Variants in MPRIP observed in about 807,000 individuals in gnomAD.
MPRIP encodes the protein myosin phosphatase Rho-interacting protein.
MPRIP carries 59 observed loss-of-function variants against 234.9 expected under a neutral mutation model. The observed-to-expected ratio is 0.25, with a 90% CI of 0.20 to 0.31. The LOEUF (loss-of-function observed/expected upper bound fraction) is 0.31. Ranked by LOEUF, MPRIP falls within the 10% of genes least tolerant of loss-of-function variation. MPRIP has a pLI of 1.00. For synonymous variants in MPRIP, 1,144 were observed against 1,263.9 expected (o/e 0.91, Z 2.01); for missense variants, 2,436 against 3,071.0 (o/e 0.79, Z 4.89).
intron 23 of MPRIP, chr17:17,182,812 T>A (rs1396739735): frequency 1.3e-5 from 2 of 152,038 alleles, no homozygotes; most frequent in African/African-American, 4.8e-5. Context: ...GCCTTAGGAG[T>A]GATCAAACTC....
At chr17:17,126,881 GCAC>G in intron 4 of MPRIP, 28 bp downstream of exon 4, 1 of 1,603,654 alleles carries the variant, frequency 6.2e-7, no homozygotes, top group Non-Finnish European at 8.5e-7. Flanking sequence ...GTGGAACAAG[GCAC>G]CACCACCTGC....
At chr17:17,133,791 A>G (rs149609398) in intron 5 of MPRIP, among the ~76,000 whole-genome samples, 60 of 152,304 alleles carry the variant, frequency 3.9e-4, no homozygotes, top group African/African-American at 1.4e-3. Flanking sequence ...GGAGAAGAGA[A>G]GGGCTTGGCC....
chr17:17,135,585 G>A (rs1159777821), intron 5 of MPRIP, among the ~76,000 whole-genome samples: 1 of 152,192 alleles, frequency 6.6e-6, no homozygotes. Context: ...TATTTTGGGT[G>A]TCTGGTGAGG....
In MPRIP at chr17:17,078,460, C is replaced by G. The variant is rs73979063; in HGVS notation, c.267+384C>G. 0.057 allele frequency among the ~76,000 whole-genome samples: 8,750 copies of G among 152,278 alleles called. 799 individuals carry two copies. The highest frequency in any genetic ancestry group is 0.19 in the African/African-American group (8,047 of 41,522). On this transcript the variant is annotated intron_variant, in intron 3 of 23. Coordinates refer to ENST00000651222, the MANE Select transcript of MPRIP (RefSeq NM_001364716.4). The surrounding 1 kb of genome is among the most constrained non-coding windows in gnomAD (Gnocchi z 4.3). ...GCTGGCCCTGGGGCTGGCACATGTG[C>G]TCACGCACCTAGTCCTGGGGTTGCC...
intron 3 of MPRIP, among the ~76,000 whole-genome samples, chr17:17,081,257 G>A (rs962555179): frequency 4.6e-5 from 7 of 152,198 alleles, no homozygotes; most frequent in African/African-American, 1.7e-4. Context: ...TTGTTGTTGG[G>A]CCCGTGATAA....
chr17:17,115,527 T>C (rs1366618451), intron 3 of MPRIP, among the ~76,000 whole-genome samples: 1 of 152,236 alleles, frequency 6.6e-6, no homozygotes, highest in Non-Finnish European at 1.5e-5. Context: ...TTCTCCCTGT[T>C]ATCTGTGCAG....
Position 17,171,817 on chromosome 17 carries a change from G to C in MPRIP, c.6424G>C (p.Glu2142Gln), listed in dbSNP as rs1383656639. ...CCAGCGGGAGCTAGAGAAACTTCGA[G>C]AAGAGAAAGACCGCCTCCTAGCCGA... ...QHQRELEKLREEKDRLLAEET... is the reference protein window; with the variant it reads ...QHQRELEKLRQEKDRLLAEET... The change falls in exon 17 of 24, where the codon GAA (glutamate) becomes CAA (glutamine). Residue 2142 changes from glutamate to glutamine, a missense_variant. By Grantham distance (29) the Glu-to-Gln change is conservative (BLOSUM62 2). Around this residue, in one of 4 missense-constraint regions of MPRIP, gnomAD observed 1,998 missense variants for 2,520.3 expected, o/e 0.79. Coordinates refer to ENST00000651222, the MANE Select transcript of MPRIP (RefSeq NM_001364716.4). 1 of 1,613,648 alleles carries C rather than the reference G, an allele frequency of 6.2e-7. No individual in the cohort carries two copies. The highest frequency in any genetic ancestry group is 1.7e-5 in the Admixed American group (1 of 60,016).
intron 1 of MPRIP, among the ~76,000 whole-genome samples, chr17:17,065,381 ATTTTT>A (rs59705934): frequency 8.9e-6 from 1 of 111,808 alleles, no homozygotes; most frequent in Non-Finnish European, 1.9e-5. Flanking sequence ...GCTTGAGATG[ATTTTT>A]TTTTTTTTTT....
chr17:17,061,181 C>G (rs1430668175), intron 1 of MPRIP, among the ~76,000 whole-genome samples: 1 of 152,194 alleles, frequency 6.6e-6, no homozygotes, highest in East Asian at 1.9e-4. Context: ...ACAGGACACA[C>G]AAGGTCTTGG....
chr17:17,136,851 G>T (rs2090711702), intron 6 of MPRIP, among the ~76,000 whole-genome samples: 1 of 152,148 alleles, frequency 6.6e-6, no homozygotes, highest in South Asian at 2.1e-4. Context: ...TCCGCATTCT[G>T]CCTGGGCCCC....
chr17:17,126,927 C>T, intron 4 of MPRIP, 74 bp downstream of exon 4: 1 of 1,548,270 alleles, frequency 6.5e-7, no homozygotes, highest in East Asian at 2.3e-5. Context: ...CCGCCTGCCC[C>T]TGTGGCAGTG....
chr17:17,123,800 T>TC (rs565001475), intron 3 of MPRIP, among the ~76,000 whole-genome samples: 133 of 152,284 alleles, frequency 8.7e-4, no homozygotes, highest in African/African-American at 3.1e-3. Context: ...AAGTTTTTTT[T>TC]CCCTCCTCCA....
At chr17:17,139,619 G>A (rs1417654572) in intron 7 of MPRIP, among the ~76,000 whole-genome samples, 1 of 152,206 alleles carries the variant, frequency 6.6e-6, no homozygotes, top group Non-Finnish European at 1.5e-5. Flanking sequence ...GCCTCGAAGG[G>A]CAGGTGGAGG....
intron 18 of MPRIP, 109 bp from the exon 19 acceptor site, chr17:17,173,805 CTG>C (rs769620559): frequency 4.8e-6 from 6 of 1,262,632 alleles, no homozygotes; most frequent in East Asian, 2.4e-5. Flanking sequence ...AGACAACAGA[CTG>C]TGTGGGCCTG....
intron 1 of MPRIP, among the ~76,000 whole-genome samples, chr17:17,055,091 G>A (rs919835845): frequency 7.3e-5 from 11 of 151,626 alleles, no homozygotes; most frequent in African/African-American, 2.7e-4. Flanking sequence ...AGGGTAGGAA[G>A]TGAAGGGGCC....
At position 17,075,793 on chromosome 17, in the gene MPRIP, G is replaced by A. The variant is rs1209165129; in HGVS notation, c.201+6G>A. ...ACCCAGTGCACCGGTCTCGGGTAAG[G>A]GCATCAGAGCCAACTCTCAGGGAGG... On this transcript the variant is annotated splice_donor_region_variant and intron_variant, in intron 2 of 23. Coordinates refer to ENST00000651222, the MANE Select transcript of MPRIP (RefSeq NM_001364716.4). 1 of 1,613,976 alleles carries A rather than the reference G, an allele frequency of 6.2e-7. No individual in the cohort carries two copies. The highest frequency in any genetic ancestry group is 8.5e-7 in the Non-Finnish European group (1 of 1,179,914).
intron 3 of MPRIP, among the ~76,000 whole-genome samples, chr17:17,121,795 G>T (rs2090394228): frequency 1.3e-5 from 2 of 152,082 alleles, no homozygotes; most frequent in South Asian, 4.1e-4. Context: ...TACTTTTCCT[G>T]ATCTTCTCCC....
intron 16 of MPRIP, chr17:17,168,536 C>A: frequency 3.1e-6 from 1 of 323,528 alleles, no homozygotes; most frequent in South Asian, 2.5e-5. Context: ...AGATTTTCCC[C>A]AGAACTGTCC....
In MPRIP at chr17:17,190,195, T is replaced by G. The variant is rs190099334; in HGVS notation, c.*5301T>G. On this transcript the variant is annotated 3_prime_UTR_variant, in exon 24 of 24. Transcript: ENST00000651222. ...CATGCCACCACCCACTTTAAAGATG[T>G]AAACTCAGTAGATTTTTCATCCAGT... The G allele has an allele frequency of 2.8e-4, 42 of 152,332 alleles. 1 individual carries two copies. The highest frequency in any genetic ancestry group is 2.6e-3 in the Admixed American group (40 of 15,296). The allele number at this position is 152,332 out of a possible 1,614,324, so 9.4% of individuals were successfully genotyped here.
Sources: gnomAD v4.1 joint callset for allele counts (sites outside exome capture counted in the v4.1 genomes callset) on GRCh38, gnomAD v4.1.1 for gene constraint, gnomAD v4.1.1 regional missense constraint, Gnocchi (gnomAD v3.1) non-coding constraint, MANE v1.5 for transcripts, NCBI Gene and HGNC (gene_info 2026-07-23, HGNC 2026-07-21) for gene names.